Variants in CUBN observed in about 807,000 individuals in gnomAD.
The protein encoded by CUBN is 460 kDa receptor.
In CUBN, 282 loss-of-function variants were observed where a neutral mutation model predicts 405.3. The ratio of observed to expected loss-of-function variants is 0.70; its 90% CI spans 0.63 to 0.77. The LOEUF (loss-of-function observed/expected upper bound fraction) is 0.77. Ranked by LOEUF, CUBN falls within the 30% of genes least tolerant of loss-of-function variation. The pLI is 0.00. For missense variants in CUBN, 4,514 were observed against 4,475.2 expected, an observed-to-expected ratio of 1.01 and a Z score of -0.25; for synonymous variants, 1,684 against 1,617.0, an observed-to-expected ratio of 1.04 and a Z score of -0.99.
chr10:16,907,209 G>A (rs977708144), intron 49 of CUBN, among the ~76,000 whole-genome samples: 2 of 152,160 alleles, frequency 1.3e-5, no homozygotes, highest in Non-Finnish European at 2.9e-5. Context: ...CAAAAGAATT[G>A]ACCAGGGACT....
In CUBN at chr10:17,129,786, T is replaced by TAAGA. The variant is rs747043002; in HGVS notation, c.-25_-22dup. ...ATCATCAACCTCCCAGGTTGGCAGG[T>TAAGA]AAGAGTGAGGCCACTCCAACCAACT... On this transcript the variant is annotated 5_prime_UTR_variant, in exon 1 of 67. Transcript: ENST00000377833. 2 of 1,613,600 alleles carry TAAGA rather than the reference T, an allele frequency of 1.2e-6. No individual in the cohort carries two copies. Among genetic ancestry groups the TAAGA allele is most frequent in the South Asian group, 1.1e-5 (1 of 91,040 alleles).
chr10:16,828,954 A>G lies in CUBN; in HGVS notation c.10615T>C (p.Trp3539Arg). The G allele has an allele frequency of 6.2e-7, 1 of 1,613,936 alleles. No homozygotes were observed. The highest frequency in any genetic ancestry group is 1.1e-5 in the South Asian group (1 of 91,072). The part of the protein sequence containing the change: ...GTYPNNTYCE[W>R]VLVAPAGRLV... ...CTTCCAGCAGGAGCAACAAGGACCC[A>G]CTCGCAGTACGTGTTGTTTGGGTAT... is the stretch of plus-strand genomic sequence containing the variant. The change falls in exon 66 of 67, where the codon TGG becomes CGG. Residue 3539 changes from tryptophan to arginine, a missense_variant. This residue lies in a region of CUBN where 1,186 missense variants were observed against 1,186.9 expected (regional missense o/e 1.00). Transcript: ENST00000377833.
At chr10:17,125,727 T>C (rs1309235232) in intron 4 of CUBN, among the ~76,000 whole-genome samples, 1 of 152,140 alleles carries the variant, frequency 6.6e-6, no homozygotes, top group Non-Finnish European at 1.5e-5. Flanking sequence ...TTGAAAATCA[T>C]TCAACATTCC....
chr10:17,029,839 T>G (rs1397200499), intron 27 of CUBN, among the ~76,000 whole-genome samples: 1 of 152,218 alleles, frequency 6.6e-6, no homozygotes, highest in East Asian at 1.9e-4. Flanking sequence ...ACAATCCCAG[T>G]GGCTTTTGTA....
chr10:16,997,537 T>C (rs1312708461), intron 28 of CUBN, among the ~76,000 whole-genome samples: 1 of 151,642 alleles, frequency 6.6e-6, no homozygotes, highest in Non-Finnish European at 1.5e-5. Context: ...AATTGGTAAC[T>C]AAGAGCTCAG....
At chr10:16,896,998 T>C (rs1421581855) in intron 54 of CUBN, among the ~76,000 whole-genome samples, 1 of 152,252 alleles carries the variant, frequency 6.6e-6, no homozygotes, top group Non-Finnish European at 1.5e-5. Context: ...TTCAGTTCTA[T>C]AATTTCTATT....
At chr10:16,847,666 C>A (rs574036245) in intron 60 of CUBN, among the ~76,000 whole-genome samples, 2 of 152,300 alleles carry the variant, frequency 1.3e-5, no homozygotes, top group South Asian at 4.1e-4. Context: ...CCCTTGCCAA[C>A]TAACTCCTGC....
intron 32 of CUBN, among the ~76,000 whole-genome samples, chr10:16,953,914 A>AGGGGGGAG (rs1554799567): frequency 6.8e-6 from 1 of 146,978 alleles, no homozygotes; most frequent in African/African-American, 2.5e-5. Flanking sequence ...AAGGGGAAGA[A>AGGGGGGAG]GAGGGGAGGA....
chr10:16,990,247 C>T, intron 29 of CUBN, 87 bp downstream of exon 29: 2 of 1,254,378 alleles, frequency 1.6e-6, no homozygotes, highest in South Asian at 1.2e-5. Context: ...CTGCTGACTA[C>T]TGGAAAGAAT....
At chr10:17,084,914 C>G (rs12415162) in intron 16 of CUBN, among the ~76,000 whole-genome samples, 24,996 of 151,964 alleles carry the variant, frequency 0.16, 4,074 homozygotes, top group African/African-American at 0.42. Flanking sequence ...GAGGTTGGCA[C>G]CAGATTCCGT....
chr10:17,033,566 GCAAAA>G (rs1564488620), intron 27 of CUBN, among the ~76,000 whole-genome samples: 1 of 152,150 alleles, frequency 6.6e-6, no homozygotes, highest in African/African-American at 2.4e-5. Flanking sequence ...CACAGCAAAC[GCAAAA>G]CAAAACAACA....
chr10:16,827,463 TAGTA>T (rs3083570), intron 66 of CUBN, among the ~76,000 whole-genome samples: 5,619 of 152,316 alleles, frequency 0.037, 322 homozygotes, highest in African/African-American at 0.13. Context: ...ATTTTATAAA[TAGTA>T]AGTTATATTT....
In CUBN at chr10:16,831,309, T is replaced by C. The variant is rs1183879233; in HGVS notation, c.10471A>G (p.Ser3491Gly). 3.7e-6 allele frequency: 6 copies of C among 1,613,910 alleles called. No individual in the cohort carries two copies. The highest frequency in any genetic ancestry group is 1.7e-5 in the Admixed American group (1 of 60,000). ...CCACGATCAGAAGTTACACTATCACTCTTAAATCGTAGGTATAGTTCATTA... is the reference window on the plus strand; with the variant it reads ...CCACGATCAGAAGTTACACTATCACCCTTAAATCGTAGGTATAGTTCATTA... ...QNNELYLRFK[S>G]DSVTSDRGYE... Residue 3491 changes from serine to glycine, a missense_variant, in exon 65 of 67, where the codon AGT (serine) becomes GGT (glycine). Ser to Gly is a moderately conservative substitution (Grantham distance 56, BLOSUM62 0). Transcript: ENST00000377833.
At chr10:16,912,119 T>G (rs1429042517) in intron 48 of CUBN, among the ~76,000 whole-genome samples, 2 of 152,200 alleles carry the variant, frequency 1.3e-5, no homozygotes, top group African/African-American at 4.8e-5. Context: ...TTTCTTATTT[T>G]CAAGATCTGA....
chr10:16,951,591 T>C (rs554488555), intron 33 of CUBN, among the ~76,000 whole-genome samples: 9 of 152,304 alleles, frequency 5.9e-5, no homozygotes, highest in East Asian at 3.9e-4. Context: ...CATTCTGTCA[T>C]GTCCTTGAGG....
At position 17,041,183 on chromosome 10, in the gene CUBN, G is replaced by A. The variant is rs756911922; in HGVS notation, c.3867C>T (p.Gly1289=). The A allele has an allele frequency of 5.6e-6, 9 of 1,613,592 alleles. No individual in the cohort carries two copies. The highest frequency in any genetic ancestry group is 7.6e-6 in the Non-Finnish European group (9 of 1,179,714). Residue 1289 remains glycine (G), a synonymous_variant, in exon 27 of 67, where the codon GGC becomes GGT. Transcript: ENST00000377833. ...TCGGATACCCTATACTCTCTAAGATGCCATAGGTTTGATTGACTATTACCA... is the reference window on the plus strand; with the variant it reads ...TCGGATACCCTATACTCTCTAAGATACCATAGGTTTGATTGACTATTACCA... ...ENVVIVNQTY[G]ILESIGYPNP...
chr10:16,845,833 C>T (rs577094653), intron 60 of CUBN, among the ~76,000 whole-genome samples: 1 of 152,304 alleles, frequency 6.6e-6, no homozygotes, highest in East Asian at 1.9e-4. Flanking sequence ...TGGTTAAGCC[C>T]GGTGCATTAA....
At chr10:17,114,677 T>C (rs930999355) in intron 7 of CUBN, among the ~76,000 whole-genome samples, 4 of 152,122 alleles carry the variant, frequency 2.6e-5, no homozygotes, top group East Asian at 1.9e-4. Context: ...GAAGTTCTCA[T>C]GAAGAGCCAA....
Position 16,913,779 on chromosome 10 carries a change from A to C in CUBN, c.7533+32T>G, listed in dbSNP as rs541191756. On this transcript the variant is annotated intron_variant, in intron 48 of 66. Coordinates refer to ENST00000377833, the MANE Select transcript of CUBN (RefSeq NM_001081.4). ...GTCGGTAAACTCTTTAAATGATGGA[A>C]TATAACATCTCAGGCGGCAGGGAAC... 1.4e-5 allele frequency: 23 copies of C among 1,611,622 alleles called. No homozygotes were observed. In the South Asian group the frequency reaches 2.3e-4, roughly 16 times the overall value.
Sources: gnomAD v4.1 joint callset for allele counts (sites outside exome capture counted in the v4.1 genomes callset) on GRCh38, gnomAD v4.1.1 for gene constraint, gnomAD v4.1.1 regional missense constraint, MANE v1.5 for transcripts, NCBI Gene and HGNC (gene_info 2026-07-23, HGNC 2026-07-21) for gene names.